The following NAF1 variants were observed in gnomAD, a reference collection of about 807,000 sequenced individuals.
NAF1 encodes the protein nuclear assembly factor 1 ribonucleoprotein.
Under a neutral mutation model 40.6 loss-of-function variants are expected in NAF1, and 11 were observed. That is an observed-to-expected ratio of 0.27 (90% CI 0.17 to 0.45). The LOEUF is 0.45. NAF1 is among the 20% of genes least tolerant of loss of function. The pLI is 1.00. For missense variants in NAF1, 607 were observed against 611.1 expected, an observed-to-expected ratio of 0.99 and a Z score of 0.07; for synonymous variants, 260 against 228.5, an observed-to-expected ratio of 1.14 and a Z score of -1.24.
At chr4:163,132,929 A>G (rs539418516) in intron 7 of NAF1, among the ~76,000 whole-genome samples, 2 of 152,390 alleles carry the variant, frequency 1.3e-5, no homozygotes, top group African/African-American at 4.8e-5. Flanking sequence ...AGTGCTGACA[A>G]GCACGAGTAA....
intron 6 of NAF1, chr4:163,133,523 T>G (rs977521287): frequency 1.7e-4 from 56 of 335,810 alleles, no homozygotes; most frequent in Non-Finnish European, 2.9e-4. Flanking sequence ...TTAAAATTCA[T>G]CATAGTATCA....
intron 2 of NAF1, among the ~76,000 whole-genome samples, chr4:163,120,683 T>C (rs1706294489): frequency 6.6e-6 from 1 of 152,204 alleles, no homozygotes; most frequent in African/African-American, 2.4e-5. Flanking sequence ...ATGCTTTCTA[T>C]AGAATGCACA....
At chr4:163,165,747 G>A (rs1173125451) in intron 1 of NAF1, among the ~76,000 whole-genome samples, 3 of 152,110 alleles carry the variant, frequency 2.0e-5, no homozygotes, top group African/African-American at 4.8e-5. Context: ...CTCCAGCCCA[G>A]AGATTTCATA....
chr4:163,144,248 G>A (rs1489527264), intron 4 of NAF1, among the ~76,000 whole-genome samples: 5 of 152,140 alleles, frequency 3.3e-5, no homozygotes, highest in Non-Finnish European at 7.4e-5. Flanking sequence ...GGCAAAGGGA[G>A]GTGGAAGGGA....
intron 2 of NAF1, among the ~76,000 whole-genome samples, chr4:163,158,917 C>A (rs1449266868): frequency 6.6e-6 from 1 of 152,114 alleles, no homozygotes; most frequent in Non-Finnish European, 1.5e-5. Context: ...ATGTGCAGTA[C>A]ACCATTCATC....
intron 2 of NAF1, among the ~76,000 whole-genome samples, chr4:163,149,918 T>A (rs1041760790): frequency 6.6e-6 from 1 of 152,124 alleles, no homozygotes; most frequent in East Asian, 1.9e-4. Context: ...CAGAGGGCAA[T>A]TGTGAGGGGA....
chr4:163,153,576 T>C (rs1344607713), intron 2 of NAF1, among the ~76,000 whole-genome samples: 1 of 152,158 alleles, frequency 6.6e-6, no homozygotes, highest in Admixed American at 6.5e-5. Context: ...AATGCACCAA[T>C]CGACACTCTG....
chr4:163,166,840 C>A lies in NAF1; in HGVS notation c.-113G>T, dbSNP rs2111085045. ...GCAACCGCAGCAACACTGCCTGGGC[C>A]CAACTTCCCGCGTTTCTCAGGTAAC... is the stretch of plus-strand genomic sequence containing the variant. On this transcript the variant is annotated 5_prime_UTR_variant, in exon 1 of 8. Transcript: ENST00000274054. The A allele has an allele frequency of 7.1e-7, 1 of 1,405,160 alleles. No individual in the cohort carries two copies. The highest frequency in any genetic ancestry group is 2.5e-5 in the East Asian group (1 of 40,210). The allele number at this position is 1,405,160 out of a possible 1,614,324, so 87.0% of individuals were successfully genotyped here. A position where few individuals can be genotyped will look rare whatever the true frequency, so the allele number is the denominator to read the frequency against.
At chr4:163,136,657 G>C (rs1237893209) in intron 6 of NAF1, among the ~76,000 whole-genome samples, 1 of 151,870 alleles carries the variant, frequency 6.6e-6, no homozygotes, top group Non-Finnish European at 1.5e-5. Context: ...AGTCACCTTG[G>C]GGCATAAAAC....
intron 1 of NAF1, 116 bp downstream of exon 1, chr4:163,166,247 C>A: frequency 7.6e-7 from 1 of 1,324,036 alleles, no homozygotes; most frequent in African/African-American, 1.5e-5. Flanking sequence ...GGAGCACCAA[C>A]GACCTGCCCA....
rs550361235 is a variant in NAF1 at position 163,163,953 on chromosome 4, G to A, written c.540+264C>T. Among the ~76,000 whole-genome samples the A allele has an allele frequency of 6.6e-5, 10 of 152,062 alleles. No individual in the cohort carries two copies. The East Asian group carries it at 1.7e-3, about 26-fold the overall frequency. ...TAAGAAATATCTTCTTCTAGGGAATGTAAAAAATGTAAAGTTCAAAGCTGA... is the reference window on the plus strand; with the variant it reads ...TAAGAAATATCTTCTTCTAGGGAATATAAAAAATGTAAAGTTCAAAGCTGA... On this transcript the variant is annotated intron_variant, in intron 2 of 7. Transcript: ENST00000274054.
intron 2 of NAF1, among the ~76,000 whole-genome samples, chr4:163,120,326 T>C (rs1730480319): frequency 6.6e-6 from 1 of 152,254 alleles, no homozygotes; most frequent in South Asian, 2.1e-4. Flanking sequence ...CACACCACCA[T>C]ATCTATCTAT....
chr4:163,134,534 GATAGAAGACTCCTTTTTCTGAGAA>G (rs993078064), intron 6 of NAF1, among the ~76,000 whole-genome samples: 4 of 152,172 alleles, frequency 2.6e-5, no homozygotes, highest in African/African-American at 9.6e-5. Context: ...ATGGAGATCA[GATAGAAGACTCCTTTTTCTGAGAA>G]AACAGATTAA....
In NAF1 at chr4:163,136,379, T is replaced by C. The variant is rs542544880; in HGVS notation, c.930+820A>G. On this transcript the variant is annotated intron_variant, in intron 6 of 7. Coordinates refer to ENST00000274054, the MANE Select transcript of NAF1 (RefSeq NM_138386.3). ...AAACTGTAATACTGAGAAAACTTCA[T>C]AAGAACTGCTGAGCAAGCTTTAAAA... 18 of 149,580 alleles carry C rather than the reference T, an allele frequency of 1.2e-4. No homozygotes were observed. The South Asian group carries it at 3.0e-3, about 25-fold the overall frequency. The allele number at this position is 149,580 out of a possible 1,614,324, so 9.3% of individuals were successfully genotyped here.
In NAF1 at chr4:163,145,805, T is replaced by C. The variant is rs1329981219; in HGVS notation, c.694A>G (p.Ser232Gly). ...PVNEETVIFK[S>G]DRQAAGKIFE... Reference sequence around the variant, plus strand: ...ACCTTTCCTGCTGCTTGTCGATCACTTTTAAAAATTACAGTCTCCTCATTA... The same window carrying C: ...ACCTTTCCTGCTGCTTGTCGATCACCTTTAAAAATTACAGTCTCCTCATTA... The change falls in exon 4 of 8, where the codon AGT becomes GGT. Residue 232 changes from serine (S) to glycine (G), a missense_variant. This residue lies in a region of NAF1 where 407 missense variants were observed against 365.5 expected (regional missense o/e 1.11). Coordinates refer to ENST00000274054, the MANE Select transcript of NAF1 (RefSeq NM_138386.3). The C allele has an allele frequency of 1.9e-6, 3 of 1,589,004 alleles. No individual in the cohort carries two copies. The highest frequency in any genetic ancestry group is 2.3e-5 in the South Asian group (2 of 87,780).
chr4:163,164,246 G>C lies in NAF1; in HGVS notation c.511C>G (p.Leu171Val). The C allele has an allele frequency of 6.4e-7, 1 of 1,564,446 alleles. No individual in the cohort carries two copies. Among genetic ancestry groups the C allele is most frequent in the Non-Finnish European group, 8.6e-7 (1 of 1,159,526 alleles). The change falls in exon 2 of 8, where the codon CTT (leucine) becomes GTT (valine). Residue 171 changes from leucine to valine, a missense_variant. Coordinates refer to ENST00000274054, the MANE Select transcript of NAF1 (RefSeq NM_138386.3). ...AGAAGTAATTCATCTTTTGTTTTAA[G>C]AGGAAAATTCTTATTTTCCTTCTCA... ...QIEKENKNFPLKTKDELLLNE... is the reference protein window; with the variant it reads ...QIEKENKNFPVKTKDELLLNE...
intron 2 of NAF1, among the ~76,000 whole-genome samples, chr4:163,120,818 T>C (rs1404438599): frequency 6.6e-6 from 1 of 152,154 alleles, no homozygotes; most frequent in Non-Finnish European, 1.5e-5. Flanking sequence ...ATGACAGCAA[T>C]TTATCATTGC....
chr4:163,152,584 C>T (rs981727723), intron 2 of NAF1, among the ~76,000 whole-genome samples: 2 of 152,226 alleles, frequency 1.3e-5, no homozygotes, highest in African/African-American at 2.4e-5. Flanking sequence ...TTGCGTAGAA[C>T]CAAACTTTGG....
intron 6 of NAF1, among the ~76,000 whole-genome samples, chr4:163,133,861 T>A (rs56141005): frequency 0.067 from 10,198 of 152,230 alleles, 403 homozygotes; most frequent in Non-Finnish European, 0.09. Flanking sequence ...CACTGCAACC[T>A]CTGCCTCCCA....
Sources: gnomAD v4.1 joint callset for allele counts (sites outside exome capture counted in the v4.1 genomes callset) on GRCh38, gnomAD v4.1.1 for gene constraint, gnomAD v4.1.1 regional missense constraint, MANE v1.5 for transcripts, NCBI Gene and HGNC (gene_info 2026-07-23, HGNC 2026-07-21) for gene names.